Variants in OTOG observed in about 807,000 individuals in gnomAD.
OTOG encodes otogelin.
In OTOG, 296 loss-of-function variants were observed where a neutral mutation model predicts 313.8. The observed-to-expected ratio is 0.94, with a 90% CI of 0.86 to 1.04. The LOEUF (loss-of-function observed/expected upper bound fraction) is 1.04, where lower values mean the gene tolerates loss of function less well. Ranked by LOEUF, OTOG falls within the 50% of genes least tolerant of loss-of-function variation. The pLI, the probability that OTOG is intolerant of heterozygous loss-of-function variation, is 0.00. For missense variants in OTOG, 3,948 were observed against 3,840.1 expected (o/e 1.03, Z -0.74); for synonymous variants, 1,533 against 1,554.9 (o/e 0.99, Z 0.33).
At chr11:17,628,341 A>G (rs1187427256) in intron 39 of OTOG, among the ~76,000 whole-genome samples, 1 of 152,172 alleles carries the variant, frequency 6.6e-6, no homozygotes, top group East Asian at 1.9e-4. Flanking sequence ...AGGAGCATAT[A>G]AAACAGTCTA....
At chr11:17,644,843 G>A (rs1317245527) in intron 54 of OTOG, among the ~76,000 whole-genome samples, 2 of 152,210 alleles carry the variant, frequency 1.3e-5, no homozygotes, top group African/African-American at 4.8e-5. Context: ...GGAGGGGTCA[G>A]GGAGGGAGGA....
At position 17,635,664 on chromosome 11, in the gene OTOG, C is replaced by T. The variant is rs1279504114; in HGVS notation, c.7748C>T (p.Thr2583Ile). The stretch of plus-strand genomic sequence containing the variant: ...GAATGTCAAGAAGGGGAGGCGCTCA[C>T]TGTGCACAGGAATACCACGGAACTC... ...IPECQEGEALTVHRNTTELCC... is the reference protein window; with the variant it reads ...IPECQEGEALIVHRNTTELCC... The change falls in exon 47 of 56, where the codon ACT becomes ATT. Residue 2583 changes from threonine to isoleucine, a missense_variant. By Grantham distance (89) the Thr-to-Ile change is moderately conservative. Coordinates refer to ENST00000399397, the MANE Select transcript of OTOG (RefSeq NM_001292063.2). The T allele has an allele frequency of 6.4e-7, 1 of 1,550,576 alleles. No homozygotes were observed. The highest frequency in any genetic ancestry group is 8.7e-7 in the Non-Finnish European group (1 of 1,146,964).
Position 17,591,463 on chromosome 11 carries a change from G to A in OTOG, c.2881G>A (p.Gly961Ser), listed in dbSNP as rs1852931045. The change falls in exon 25 of 56, where the codon GGC becomes AGC. Residue 961 changes from glycine to serine, a missense_variant. Gly to Ser is a moderately conservative substitution (Grantham distance 56). Transcript: ENST00000399397. Reference sequence around the variant, plus strand: ...TGTGTTTTTCAGTGTGTGCCAGCGGGGCTCATTCCAGTGCACCCTGCACCC... The same window carrying A: ...TGTGTTTTTCAGTGTGTGCCAGCGGAGCTCATTCCAGTGCACCCTGCACCC... Reference protein sequence around the residue: ...SPCHTCVCQRGSFQCTLHPCA... With the variant: ...SPCHTCVCQRSSFQCTLHPCA... 2 of 1,550,712 alleles carry A rather than the reference G, an allele frequency of 1.3e-6. No individual in the cohort carries two copies. The highest frequency in any genetic ancestry group is 1.7e-6 in the Non-Finnish European group (2 of 1,147,018).
intron 24 of OTOG, among the ~76,000 whole-genome samples, chr11:17,589,345 T>C (rs1235922033): frequency 6.6e-6 from 1 of 152,074 alleles, no homozygotes; most frequent in African/African-American, 2.4e-5. Flanking sequence ...TCCCCTCTTA[T>C]TCTCAGCTGA....
intron 43 of OTOG, 97 bp from the exon 44 acceptor site, chr11:17,633,972 C>G: frequency 6.8e-7 from 1 of 1,478,438 alleles, no homozygotes; most frequent in Non-Finnish European, 9.0e-7. Context: ...CCTTTCAGGT[C>G]TGCTTAGGGG....
chr11:17,638,942 A>G (rs1460076550), intron 48 of OTOG: 1 of 482,328 alleles, frequency 2.1e-6, no homozygotes, highest in African/African-American at 2.0e-5. Flanking sequence ...CTGAAAATAC[A>G]AGAAAATCAG....
Position 17,641,846 on chromosome 11 carries a change from G to A in OTOG, c.8191-1G>A. ...GAGGCCCACCCCGCCCTGGCCTGTA[G>A]AACCAGGAGTACGAGCACCCGCGGG... On this transcript the variant is annotated splice_acceptor_variant, in intron 51 of 55. Transcript: ENST00000399397. LOFTEE classifies it high-confidence loss of function. The A allele has an allele frequency of 3.2e-6, 5 of 1,548,742 alleles. No homozygotes were observed. Among genetic ancestry groups the A allele is most frequent in the Non-Finnish European group, 4.4e-6 (5 of 1,145,908 alleles).
At chr11:17,605,752 G>A (rs1185946034) in intron 32 of OTOG, 105 bp from the exon 33 acceptor site, 2 of 1,286,074 alleles carry the variant, frequency 1.6e-6, no homozygotes, top group Admixed American at 5.1e-5. Context: ...CTGCAGGCGT[G>A]CTGCCATCCA....
chr11:17,611,572 C>G, intron 36 of OTOG, 149 bp downstream of exon 36: 1 of 913,326 alleles, frequency 1.1e-6, no homozygotes, highest in Non-Finnish European at 1.6e-6. Context: ...CTATTGGCCC[C>G]TGATGCCATA....
rs1384854866 is a variant in OTOG, at chr11:17,635,680, C to T, written c.7764C>T (p.Thr2588=). Residue 2588 remains threonine (T), a synonymous_variant, in exon 47 of 56, where the codon ACC becomes ACT. Coordinates refer to ENST00000399397, the MANE Select transcript of OTOG (RefSeq NM_001292063.2). ...AGGCGCTCACTGTGCACAGGAATAC[C>T]ACGGAACTCTGCTGCCCTCTGTACC... ...EGEALTVHRN[T]TELCCPLYQC... 1 of 1,550,602 alleles carries T rather than the reference C, an allele frequency of 6.4e-7. No individual in the cohort carries two copies. Among genetic ancestry groups the T allele is most frequent in the East Asian group, 2.4e-5 (1 of 40,924 alleles).
At chr11:17,574,191 C>T (rs1385279864) in intron 19 of OTOG, among the ~76,000 whole-genome samples, 1 of 152,138 alleles carries the variant, frequency 6.6e-6, no homozygotes, top group Non-Finnish European at 1.5e-5. Context: ...GAGTGGGATG[C>T]TGGCCACACA....
chr11:17,641,462 C>CTAAA (rs1339068938), intron 51 of OTOG, among the ~76,000 whole-genome samples: 3 of 152,052 alleles, frequency 2.0e-5, no homozygotes, highest in Admixed American at 1.3e-4. Flanking sequence ...CTAGTAAGGG[C>CTAAA]TAAATAAATA....
At chr11:17,597,840 C>A (rs1375253965) in intron 30 of OTOG, among the ~76,000 whole-genome samples, 1 of 152,216 alleles carries the variant, frequency 6.6e-6, no homozygotes, top group Non-Finnish European at 1.5e-5. Context: ...CTGAGTTTGG[C>A]CCCAAGCTCC....
chr11:17,600,264 C>T (rs961619320), intron 31 of OTOG, among the ~76,000 whole-genome samples: 1 of 141,330 alleles, frequency 7.1e-6, no homozygotes, highest in Non-Finnish European at 1.5e-5. Flanking sequence ...AGAGCCAATT[C>T]ATCAATTTAA....
intron 27 of OTOG, 117 bp from the exon 28 acceptor site, chr11:17,593,929 GT>G: frequency 7.0e-7 from 1 of 1,433,554 alleles, no homozygotes; most frequent in Non-Finnish European, 9.4e-7. Flanking sequence ...TCTTCAAACT[GT>G]GACCTCAGCA....
chr11:17,639,258 G>A (rs374060169), intron 48 of OTOG, among the ~76,000 whole-genome samples, 165 bp from the exon 49 acceptor site: 2 of 152,132 alleles, frequency 1.3e-5, no homozygotes, highest in Admixed American at 6.5e-5. Flanking sequence ...CCCCAGGGAT[G>A]GAAGGAGGCT....
At chr11:17,561,284 C>A in intron 14 of OTOG, 147 bp downstream of exon 14, 1 of 1,007,884 alleles carries the variant, frequency 9.9e-7, no homozygotes, top group Non-Finnish European at 1.5e-6. Flanking sequence ...TCCTCAGAAT[C>A]ACTTTGCCTG....
intron 6 of OTOG, among the ~76,000 whole-genome samples, chr11:17,554,937 A>G (rs759671350): frequency 6.6e-6 from 1 of 152,222 alleles, no homozygotes; most frequent in East Asian, 1.9e-4. Context: ...ATTTTTAGTT[A>G]TATATATTTC....
In OTOG at chr11:17,548,718, C is replaced by CT. The variant is rs924551442; in HGVS notation, c.216+515dup. On this transcript the variant is annotated intron_variant, in intron 3 of 55. Transcript: ENST00000399397. ...AGAGCCCTGAACTCATCCTTTGAGCCTTTTTTTTTCTTTTTTTGAGTCGGG... is the reference window on the plus strand; with the variant it reads ...AGAGCCCTGAACTCATCCTTTGAGCCTTTTTTTTTTCTTTTTTTGAGTCGGG... 2.1e-4 allele frequency among the ~76,000 whole-genome samples: 32 copies of CT among 150,710 alleles called. No individual in the cohort carries two copies. In the South Asian group the frequency reaches 3.0e-3, roughly 14 times the overall value.
Sources: gnomAD v4.1 joint callset for allele counts (sites outside exome capture counted in the v4.1 genomes callset) on GRCh38, gnomAD v4.1.1 for gene constraint, MANE v1.5 for transcripts, NCBI Gene and HGNC (gene_info 2026-07-23, HGNC 2026-07-21) for gene names.